Variants in RGS7 observed in about 807,000 individuals in gnomAD.
RGS7 encodes regulator of G protein signaling 7.
RGS7 carries 27 observed loss-of-function variants against 81.1 expected under a neutral mutation model. That is an observed-to-expected ratio of 0.33 (90% CI 0.25 to 0.46). The LOEUF is 0.46. Among genes scored for constraint, RGS7 ranks in the 20% least tolerant of loss-of-function variants. RGS7 has a pLI of 1.00. For missense variants in RGS7, 396 were observed against 607.4 expected (o/e 0.65, Z 3.66); for synonymous variants, 208 against 207.7 (o/e 1.00, Z -0.01).
chr1:241,100,084 A>T (rs958439997), intron 2 of RGS7, among the ~76,000 whole-genome samples: 2 of 152,122 alleles, frequency 1.3e-5, no homozygotes. Flanking sequence ...TGAATTATCA[A>T]ATTTCCATTG....
At chr1:241,295,905 G>C (rs1332941974) in intron 2 of RGS7, among the ~76,000 whole-genome samples, 1 of 152,218 alleles carries the variant, frequency 6.6e-6, no homozygotes, top group African/African-American at 2.4e-5. Context: ...CCGCCTGGGA[G>C]AAGACAGGAC....
At chr1:240,876,638 C>T (rs762020787) in intron 6 of RGS7, among the ~76,000 whole-genome samples, 4 of 152,084 alleles carry the variant, frequency 2.6e-5, no homozygotes, top group African/African-American at 7.2e-5. Context: ...TTGGAAAGGA[C>T]GTGAGAGTGA....
chr1:241,040,201 G>C (rs1043512042), intron 3 of RGS7, among the ~76,000 whole-genome samples: 15 of 152,152 alleles, frequency 9.9e-5, no homozygotes, highest in African/African-American at 3.6e-4. Flanking sequence ...TGTAAATAAA[G>C]TCCATTCTTC....
chr1:241,050,163 T>G (rs796480511), intron 3 of RGS7, among the ~76,000 whole-genome samples: 8 of 152,284 alleles, frequency 5.3e-5, no homozygotes, highest in African/African-American at 1.9e-4. Context: ...GATCCCATTA[T>G]CAAGAATCTC....
chr1:241,065,243 G>T (rs2061993787), intron 3 of RGS7, among the ~76,000 whole-genome samples: 1 of 141,476 alleles, frequency 7.1e-6, no homozygotes, highest in African/African-American at 2.9e-5. Flanking sequence ...TATATTAAAA[G>T]ATATATTAAA....
intron 3 of RGS7, among the ~76,000 whole-genome samples, chr1:241,067,378 G>T (rs6690307): frequency 3.3e-5 from 5 of 151,884 alleles, no homozygotes; most frequent in African/African-American, 1.2e-4. Flanking sequence ...TTGACATGTA[G>T]TAGGCATTCA....
At chr1:241,109,154 C>T (rs1436423548) in intron 2 of RGS7, among the ~76,000 whole-genome samples, 1 of 152,152 alleles carries the variant, frequency 6.6e-6, no homozygotes, top group East Asian at 1.9e-4. Flanking sequence ...CACGATATGA[C>T]GCCCAACTGT....
At chr1:241,329,931 GT>G (rs1282038128) in intron 2 of RGS7, among the ~76,000 whole-genome samples, 1 of 150,446 alleles carries the variant, frequency 6.6e-6, no homozygotes, top group Non-Finnish European at 1.5e-5. Flanking sequence ...TTTTTTTTTT[GT>G]TTGTTTGTTT....
intron 18 of RGS7, among the ~76,000 whole-genome samples, chr1:240,799,253 TTG>T (rs143900617): frequency 2.0e-3 from 117 of 59,206 alleles, no homozygotes; most frequent in Middle Eastern, 0.01. Context: ...TTATTATGGT[TTG>T]TGTGTGTGTG....
Position 240,776,042 on chromosome 1 carries a change from C to CAAT in RGS7, c.*175_*177dup. 1.2e-6 allele frequency: 1 copy of CAAT among 801,388 alleles called. No individual in the cohort carries two copies. The highest frequency in any genetic ancestry group is 2.3e-6 in the Non-Finnish European group (1 of 444,268). The allele number at this position is 801,388 out of a possible 1,614,324, so 49.6% of individuals were successfully genotyped here. ...AGATGGAATGTACACACAAAAATAA[C>CAAT]AATTTAGGTCCTTTGCTCATGCAAC... On this transcript the variant is annotated 3_prime_UTR_variant, in exon 19 of 19. Transcript: ENST00000440928.
chr1:240,827,879 A>AAC lies in RGS7; in HGVS notation c.610-708_610-707insGT, dbSNP rs572563178. ...AACTCCATTGCAAAAAAAAAAAAAA[A>AAC]AAAAAAAAACAGGCTGTTATTAGAT... On this transcript the variant is annotated intron_variant, in intron 9 of 18. Coordinates refer to ENST00000440928, the MANE Select transcript of RGS7 (RefSeq NM_001364886.1). Among the ~76,000 whole-genome samples, 682 of 151,294 alleles carry AAC rather than the reference A, an allele frequency of 4.5e-3. 4 individuals carry two copies. The highest frequency in any genetic ancestry group is 0.014 in the Middle Eastern group (4 of 290).
chr1:241,128,163 G>A (rs1040335913), intron 2 of RGS7, among the ~76,000 whole-genome samples: 2 of 151,946 alleles, frequency 1.3e-5, no homozygotes, highest in Non-Finnish European at 2.9e-5. Flanking sequence ...TTTAGTCCCA[G>A]CTACTAGGGA....
intron 6 of RGS7, among the ~76,000 whole-genome samples, chr1:240,901,046 C>A (rs957623015): frequency 3.3e-5 from 5 of 152,208 alleles, no homozygotes; most frequent in Non-Finnish European, 7.4e-5. Flanking sequence ...TCTCAGACTG[C>A]TGTGCTAGCA....
At chr1:241,224,693 T>C (rs370672414) in intron 2 of RGS7, among the ~76,000 whole-genome samples, 15 of 152,298 alleles carry the variant, frequency 9.8e-5, no homozygotes, top group Middle Eastern at 3.4e-3. Flanking sequence ...ATATAGTGGA[T>C]AGAGTACTTC....
At chr1:241,307,119 A>G (rs989429662) in intron 2 of RGS7, among the ~76,000 whole-genome samples, 2 of 152,230 alleles carry the variant, frequency 1.3e-5, no homozygotes, top group African/African-American at 4.8e-5. Context: ...TTGTATAAAT[A>G]TGACCATACA....
chr1:240,910,306 G>T (rs1219766734), intron 6 of RGS7, among the ~76,000 whole-genome samples: 2 of 152,202 alleles, frequency 1.3e-5, no homozygotes, highest in African/African-American at 4.8e-5. Context: ...GAAACCGGAA[G>T]ACATTACGGT....
chr1:240,894,681 G>A (rs905888457), intron 6 of RGS7, among the ~76,000 whole-genome samples: 3 of 150,320 alleles, frequency 2.0e-5, no homozygotes, highest in East Asian at 3.9e-4. Context: ...CATTTTTTGC[G>A]GGTAATTTTA....
At chr1:240,945,532 T>C (rs1184054495) in intron 4 of RGS7, among the ~76,000 whole-genome samples, 1 of 152,262 alleles carries the variant, frequency 6.6e-6, no homozygotes, top group Non-Finnish European at 1.5e-5. Context: ...ATAAGCAATA[T>C]AGTCTTCTCA....
chr1:241,236,601 C>T (rs187701602), intron 2 of RGS7, among the ~76,000 whole-genome samples: 10 of 152,142 alleles, frequency 6.6e-5, no homozygotes, highest in African/African-American at 2.4e-4. Context: ...CTCGAAACCA[C>T]AAGCTAAGTC....
Sources: gnomAD v4.1 joint callset for allele counts (sites outside exome capture counted in the v4.1 genomes callset) on GRCh38, gnomAD v4.1.1 for gene constraint, MANE v1.5 for transcripts, NCBI Gene and HGNC (gene_info 2026-07-23, HGNC 2026-07-21) for gene names.